Variants in LRP1B observed in about 807,000 individuals in gnomAD.
The protein encoded by LRP1B is low-density lipoprotein receptor-related protein 1B.
A neutral mutation model predicts 556.6 loss-of-function variants in LRP1B; 217 were observed. That is an observed-to-expected ratio of 0.39 (90% CI 0.35 to 0.44). The LOEUF (loss-of-function observed/expected upper bound fraction) is 0.44. LRP1B is among the 20% of genes least tolerant of loss of function. LRP1B has a pLI of 1.00. For missense variants in LRP1B, 5,053 were observed against 5,620.8 expected (o/e 0.90, Z 3.23); for synonymous variants, 2,047 against 1,865.8 (o/e 1.10, Z -2.50).
chr2:140,436,044 G>C (rs909348576), intron 66 of LRP1B, among the ~76,000 whole-genome samples: 1 of 151,248 alleles, frequency 6.6e-6, no homozygotes, highest in African/African-American at 2.4e-5. Flanking sequence ...CATACAAAAA[G>C]TCATTAGCAG....
chr2:141,600,777 CCT>C (rs1282815108), intron 2 of LRP1B, among the ~76,000 whole-genome samples: 2 of 152,032 alleles, frequency 1.3e-5, no homozygotes, highest in African/African-American at 4.8e-5. Flanking sequence ...TCTGTCCACC[CCT>C]GTTTTGTACC....
At chr2:140,696,012 T>C (rs1183109209) in intron 41 of LRP1B, among the ~76,000 whole-genome samples, 1 of 152,178 alleles carries the variant, frequency 6.6e-6, no homozygotes, top group Non-Finnish European at 1.5e-5. Context: ...GATAGTGAAA[T>C]TTAGAACTCT....
chr2:141,585,059 T>A (rs1205842618), intron 2 of LRP1B, among the ~76,000 whole-genome samples: 1 of 152,222 alleles, frequency 6.6e-6, no homozygotes, highest in Non-Finnish European at 1.5e-5. Context: ...ATGTGTTTTT[T>A]AATAAAATTT....
At chr2:142,079,217 A>G (rs966360060) in intron 1 of LRP1B, among the ~76,000 whole-genome samples, 4 of 152,182 alleles carry the variant, frequency 2.6e-5, no homozygotes, top group Non-Finnish European at 5.9e-5. Context: ...TACATGAACC[A>G]TATAGGAACA....
intron 7 of LRP1B, among the ~76,000 whole-genome samples, chr2:141,154,329 T>C (rs1446250375): frequency 1.3e-5 from 2 of 151,910 alleles, no homozygotes; most frequent in Non-Finnish European, 2.9e-5. Context: ...GGAACACACT[T>C]TTAAATATTA....
At chr2:140,548,987 A>T (rs1680447879) in intron 43 of LRP1B, among the ~76,000 whole-genome samples, 1 of 151,602 alleles carries the variant, frequency 6.6e-6, no homozygotes, top group South Asian at 2.1e-4. Context: ...TGAGGTAATT[A>T]ACAACATTAT....
intron 27 of LRP1B, 81 bp from the exon 28 acceptor site, chr2:140,851,864 C>T (rs894754645): frequency 1.5e-6 from 2 of 1,327,366 alleles, no homozygotes; most frequent in Non-Finnish European, 1.0e-6. Context: ...GGGTTATTCA[C>T]CTAATGATTC....
chr2:140,998,178 A>G (rs1362456935), intron 15 of LRP1B, among the ~76,000 whole-genome samples: 1 of 152,058 alleles, frequency 6.6e-6, no homozygotes, highest in Non-Finnish European at 1.5e-5. Flanking sequence ...CCATTGACAC[A>G]TAATTGTGCA....
chr2:141,125,489 G>A (rs1211455722), intron 7 of LRP1B, among the ~76,000 whole-genome samples: 1 of 152,180 alleles, frequency 6.6e-6, no homozygotes, highest in East Asian at 1.9e-4. Flanking sequence ...GGCTGATGAT[G>A]CTAGCATTCT....
At chr2:140,602,602 C>T (rs1181859419) in intron 41 of LRP1B, among the ~76,000 whole-genome samples, 3 of 151,886 alleles carry the variant, frequency 2.0e-5, no homozygotes, top group African/African-American at 7.2e-5. Flanking sequence ...AGGAACTATC[C>T]AGCTGCTATA....
intron 2 of LRP1B, among the ~76,000 whole-genome samples, chr2:141,781,221 T>A (rs866903072): frequency 6.6e-6 from 1 of 152,168 alleles, no homozygotes; most frequent in African/African-American, 2.4e-5. Flanking sequence ...ATGATCCTTA[T>A]TTTTGAGACA....
chr2:141,634,340 A>C (rs1279374188), intron 2 of LRP1B, among the ~76,000 whole-genome samples: 1 of 151,940 alleles, frequency 6.6e-6, no homozygotes, highest in African/African-American at 2.4e-5. Context: ...AAAACTATAA[A>C]CCTTCATAAT....
At chr2:140,482,637 A>G (rs541339874) in intron 59 of LRP1B, among the ~76,000 whole-genome samples, 2 of 152,256 alleles carry the variant, frequency 1.3e-5, no homozygotes, top group South Asian at 4.1e-4. Flanking sequence ...GTCTACTTGT[A>G]TCTTTACGTT....
At chr2:140,474,025 A>G (rs1218692882) in intron 60 of LRP1B, among the ~76,000 whole-genome samples, 1 of 151,910 alleles carries the variant, frequency 6.6e-6, no homozygotes, top group Non-Finnish European at 1.5e-5. Context: ...TATCTCCATA[A>G]CTGGAATGTC....
At chr2:140,501,589 G>A in intron 55 of LRP1B, 98 bp downstream of exon 55, 1 of 789,834 alleles carries the variant, frequency 1.3e-6, no homozygotes, top group Non-Finnish European at 1.9e-6. Context: ...TTAATATTAT[G>A]ATGGCTTTTA....
At position 141,931,335 on chromosome 2, in the gene LRP1B, C is replaced by T. The variant is rs541480984; in HGVS notation, c.83-120934G>A. Among the ~76,000 whole-genome samples, 4 of 152,008 alleles carry T rather than the reference C, an allele frequency of 2.6e-5. No individual in the cohort carries two copies. The South Asian group carries it at 6.2e-4, about 24-fold the overall frequency. On this transcript the variant is annotated intron_variant, in intron 1 of 90. Transcript: ENST00000389484. The stretch of plus-strand genomic sequence containing the variant: ...TATGTGAGGAGGGGTGGAGGAATTA[C>T]ATGACTGCAAGAGTTTGGAGAAATA...
intron 1 of LRP1B, among the ~76,000 whole-genome samples, chr2:141,866,140 C>T (rs1698407192): frequency 6.6e-6 from 1 of 152,160 alleles, no homozygotes; most frequent in Non-Finnish European, 1.5e-5. Context: ...AGAGACAGAT[C>T]CATCAAGAAG....
chr2:141,290,556 C>T (rs1258106707), intron 3 of LRP1B, among the ~76,000 whole-genome samples: 1 of 152,048 alleles, frequency 6.6e-6, no homozygotes, highest in Non-Finnish European at 1.5e-5. Context: ...AAATACAAGT[C>T]TGAGGAAGCA....
intron 79 of LRP1B, among the ~76,000 whole-genome samples, chr2:140,332,968 C>T (rs549610451): frequency 6.6e-6 from 1 of 151,926 alleles, no homozygotes; most frequent in African/African-American, 2.4e-5. Context: ...GAGATTATGC[C>T]ACTTACCTTG....
Sources: allele counts gnomAD v4.1 joint callset (sites outside exome capture counted in the v4.1 genomes callset), GRCh38; gene constraint gnomAD v4.1.1; transcripts MANE v1.5; gene names NCBI Gene and HGNC (gene_info 2026-07-23, HGNC 2026-07-21).